LRIG1: variants seen among roughly 807,000 people sequenced by gnomAD.
The protein encoded by LRIG1 is leucine rich repeats and immunoglobulin like domains 1.
LRIG1 carries 48 observed loss-of-function variants against 99.2 expected under a neutral mutation model. The observed-to-expected ratio is 0.48, with a 90% confidence interval of 0.38 to 0.62. The LOEUF (loss-of-function observed/expected upper bound fraction) is 0.62. Among genes scored for constraint, LRIG1 ranks in the 20% least tolerant of loss-of-function variants. The pLI is 0.00. For synonymous variants in LRIG1, 772 were observed against 596.1 expected (o/e 1.29, Z -4.30); for missense variants, 1,646 against 1,434.4 (o/e 1.15, Z -2.38).
intron 3 of LRIG1, among the ~76,000 whole-genome samples, chr3:66,420,389 CAGA>C (rs1312972026): frequency 1.3e-5 from 2 of 152,174 alleles, no homozygotes; most frequent in Admixed American, 6.5e-5. Flanking sequence ...GGTGCACCTG[CAGA>C]AGAAGACATT....
chr3:66,388,605 A>G (rs1174626845), intron 12 of LRIG1, among the ~76,000 whole-genome samples: 3 of 152,176 alleles, frequency 2.0e-5, no homozygotes, highest in Admixed American at 2.0e-4. Flanking sequence ...GAAAACGCAA[A>G]AGAGGAGCAA....
intron 3 of LRIG1, among the ~76,000 whole-genome samples, chr3:66,439,421 TTAACC>T (rs1575692285): frequency 6.6e-6 from 1 of 152,244 alleles, no homozygotes; most frequent in African/African-American, 2.4e-5. Context: ...TCTTTGCAAC[TTAACC>T]TAGCATCCAA....
rs779957184 is a variant in LRIG1, at chr3:66,451,598, G to T, written c.326C>A (p.Ser109Tyr). The T allele has an allele frequency of 6.2e-7, 1 of 1,614,062 alleles. No individual in the cohort carries two copies. Among genetic ancestry groups the T allele is most frequent in the South Asian group, 1.1e-5 (1 of 91,082 alleles). Residue 109 changes from serine to tyrosine, a missense_variant, in exon 3 of 19, where the codon TCC becomes TAC. Transcript: ENST00000273261. ...LNNNELTAVP[S>Y]LGAASSHVVS... ...GACATGTGATGAAGCAGCGCCCAGG[G>T]ATGGTACCGCTGTCAACTCATTATT...
chr3:66,402,251 C>A (rs1702086633), intron 9 of LRIG1, among the ~76,000 whole-genome samples: 1 of 152,178 alleles, frequency 6.6e-6, no homozygotes, highest in African/African-American at 2.4e-5. Context: ...CGTACTGACT[C>A]TGTGCCATCG....
intron 1 of LRIG1, among the ~76,000 whole-genome samples, chr3:66,489,586 A>G (rs1463727346): frequency 6.6e-6 from 1 of 151,996 alleles, no homozygotes; most frequent in African/African-American, 2.4e-5. Flanking sequence ...AGAATGTTTA[A>G]GTATCCTAGA....
At position 66,387,359 on chromosome 3, in the gene LRIG1, G is replaced by GTAAACCGGATGTCCTTGCCC; in HGVS notation, c.1469-1059_1469-1058insGGGCAAGGACATCCGGTTTA. 1.3e-5 allele frequency: 2 copies of GTAAACCGGATGTCCTTGCCC among 152,138 alleles called. 1 individual carries two copies. The allele number at this position is 152,138 out of a possible 1,614,324, so 9.4% of individuals were successfully genotyped here. ...TCATTTGTCACCTGTGGCTGAGCAT[G>GTAAACCGGATGTCCTTGCCC]ACTGTCTACACAAATAGGAAGTGAT... On this transcript the variant is annotated intron_variant, in intron 12 of 18. Transcript: ENST00000273261.
Position 66,483,442 on chromosome 3 carries a change from G to T in LRIG1, c.218+16748C>A, listed in dbSNP as rs567154134. 2.0e-5 allele frequency among the ~76,000 whole-genome samples: 3 copies of T among 152,340 alleles called. No homozygotes were observed. The South Asian group carries it at 6.2e-4, about 32-fold the overall frequency. On this transcript the variant is annotated intron_variant, in intron 1 of 18. Transcript: ENST00000273261. The stretch of plus-strand genomic sequence containing the variant: ...ATCAATTTACATAGTTACTTGGGCT[G>T]GGTCCACAGAGGGCAGGGTAACCTG...
At chr3:66,454,757 G>A (rs1188869947) in intron 2 of LRIG1, among the ~76,000 whole-genome samples, 4 of 152,120 alleles carry the variant, frequency 2.6e-5, no homozygotes, top group South Asian at 4.1e-4. Flanking sequence ...AATTCAATCC[G>A]TAAGGTCAGC....
intron 12 of LRIG1, among the ~76,000 whole-genome samples, chr3:66,389,519 A>C (rs1467810668): frequency 6.6e-6 from 1 of 152,208 alleles, no homozygotes; most frequent in Non-Finnish European, 1.5e-5. Flanking sequence ...AAGAGAACTA[A>C]AGTGTCCATA....
At chr3:66,411,240 C>T (rs550597556) in intron 6 of LRIG1, among the ~76,000 whole-genome samples, 2 of 152,318 alleles carry the variant, frequency 1.3e-5, no homozygotes, top group South Asian at 4.1e-4. Flanking sequence ...GAATTTTGCT[C>T]CGTGTTCAGT....
At chr3:66,442,786 C>T (rs142256450) in intron 3 of LRIG1, among the ~76,000 whole-genome samples, 2 of 152,142 alleles carry the variant, frequency 1.3e-5, no homozygotes, top group Non-Finnish European at 2.9e-5. Flanking sequence ...AAGCCCTACG[C>T]TCAACAAAAG....
chr3:66,478,952 A>T (rs1700785946), intron 1 of LRIG1, among the ~76,000 whole-genome samples: 1 of 152,182 alleles, frequency 6.6e-6, no homozygotes, highest in South Asian at 2.1e-4. Context: ...AAAGGAAACC[A>T]CTGCAGGCCT....
chr3:66,468,881 C>A (rs1375598212), intron 1 of LRIG1: 1 of 152,180 alleles, frequency 6.6e-6, no homozygotes, highest in Non-Finnish European at 1.5e-5. Flanking sequence ...TTACATAGTA[C>A]ACATCAAGCT....
chr3:66,386,038 C>T lies in LRIG1; in HGVS notation c.1732G>A (p.Val578Ile), dbSNP rs1381434473. Residue 578 changes from valine to isoleucine, a missense_variant, in exon 13 of 19, where the codon GTC (valine) becomes ATC (isoleucine). Val to Ile is a conservative substitution (Grantham distance 29). Coordinates refer to ENST00000273261, the MANE Select transcript of LRIG1 (RefSeq NM_015541.3). Reference sequence around the variant, plus strand: ...GTGGAGCCAAAGTGGTTGGTGATGACACATTGGTAGCGGCCCTCGTGCCCG... The same window carrying T: ...GTGGAGCCAAAGTGGTTGGTGATGATACATTGGTAGCGGCCCTCGTGCCCG... ...TFGHEGRYQC[V>I]ITNHFGSTYS... 1.2e-6 allele frequency: 2 copies of T among 1,614,172 alleles called. No individual in the cohort carries two copies. The highest frequency in any genetic ancestry group is 3.3e-5 in the Admixed American group (2 of 60,024).
Position 66,431,127 on chromosome 3 carries a change from T to C in LRIG1, c.366-13861A>G, listed in dbSNP as rs1180350981. Among the ~76,000 whole-genome samples the C allele has an allele frequency of 3.3e-5, 5 of 152,122 alleles. No homozygotes were observed. In the East Asian group the frequency reaches 9.6e-4, roughly 29 times the overall value. On this transcript the variant is annotated intron_variant, in intron 3 of 18. Transcript: ENST00000273261. ...GCCCGGCACAACCGTGGATCCCGGG[T>C]ACGGCACAGCTGAACTGAACCCCTC...
At chr3:66,429,170 C>A (rs1703074524) in intron 3 of LRIG1, among the ~76,000 whole-genome samples, 2 of 152,188 alleles carry the variant, frequency 1.3e-5, no homozygotes, top group Non-Finnish European at 2.9e-5. Flanking sequence ...GACCCAATGT[C>A]CCATCCCCAT....
chr3:66,432,624 GAAGGTTACACAGC>G (rs1703210767), intron 3 of LRIG1, among the ~76,000 whole-genome samples: 2 of 152,170 alleles, frequency 1.3e-5, no homozygotes, highest in African/African-American at 4.8e-5. Flanking sequence ...CTCACTTGCT[GAAGGTTACACAGC>G]AGTAAGCAGT....
intron 3 of LRIG1, among the ~76,000 whole-genome samples, chr3:66,449,674 G>A (rs1268971740): frequency 6.6e-6 from 1 of 152,220 alleles, no homozygotes; most frequent in East Asian, 1.9e-4. Flanking sequence ...GAGTGCATGG[G>A]GTTAAAGGAG....
intron 5 of LRIG1, among the ~76,000 whole-genome samples, chr3:66,414,265 T>C (rs543730008): frequency 7.2e-4 from 109 of 152,012 alleles, no homozygotes; most frequent in East Asian, 1.6e-3. Context: ...GGCATGGTGG[T>C]GGGTGCCTGT....
Sources: allele counts gnomAD v4.1 joint callset (sites outside exome capture counted in the v4.1 genomes callset), GRCh38; gene constraint gnomAD v4.1.1; transcripts MANE v1.5; gene names NCBI Gene and HGNC (gene_info 2026-07-23, HGNC 2026-07-21).